The following SLC7A3 variants were observed in gnomAD, a reference collection of about 807,000 sequenced individuals.
SLC7A3 encodes solute carrier family 7 member 3, also known as cationic amino acid transporter 3.
A neutral mutation model predicts 33.2 loss-of-function variants in SLC7A3; 3 were observed. That is an observed-to-expected ratio of 0.09 (90% CI 0.04 to 0.23). The LOEUF (loss-of-function observed/expected upper bound fraction) is 0.23, where lower values mean the gene tolerates loss of function less well. SLC7A3 is among the 10% of genes least tolerant of loss of function. SLC7A3 has a pLI of 1.00. For synonymous variants in SLC7A3, 193 were observed against 195.1 expected, an observed-to-expected ratio of 0.99 and a Z score of 0.09; for missense variants, 360 against 488.8, an observed-to-expected ratio of 0.74 and a Z score of 2.48.
At chrX:70,926,801 A>G (rs2091897949) in intron 9 of SLC7A3, 74 bp downstream of exon 9, 1 of 1,168,288 alleles carries the variant, frequency 8.6e-7, no homozygotes, top group Non-Finnish European at 1.1e-6. Context: ...GTTCTTCCTC[A>G]GCCACCAAAT....
intron 2 of SLC7A3, 47 bp downstream of exon 2, chrX:70,929,580 AC>A (rs1407213017): frequency 1.7e-6 from 2 of 1,153,639 alleles, no homozygotes; most frequent in Non-Finnish European, 2.3e-6. Flanking sequence ...CTGACCAAAA[AC>A]CCCTTTGCTG....
intron 5 of SLC7A3, 45 bp from the exon 6 acceptor site, chrX:70,928,065 TCCTCTACCA>T: frequency 1.7e-6 from 2 of 1,186,545 alleles, no homozygotes; most frequent in Non-Finnish European, 2.3e-6. Flanking sequence ...GCAGGCCCAC[TCCTCTACCA>T]CCCCCAGTCT....
chrX:70,930,620 G>A (rs1466065192), intron 1 of SLC7A3, among the ~76,000 whole-genome samples: 1 of 112,261 alleles, frequency 8.9e-6, no homozygotes, highest in African/African-American at 3.2e-5. Flanking sequence ...CCCAAGCCCT[G>A]CTAGGCTGAC....
Position 70,929,949 on chromosome X carries a change from G to T in SLC7A3, c.49C>A (p.Arg17Ser). The T allele has an allele frequency of 8.3e-7, 1 of 1,208,527 alleles. No homozygotes were observed. The highest frequency in any genetic ancestry group is 1.1e-6 in the Non-Finnish European group (1 of 893,049). The change falls in exon 2 of 12, where the codon CGT (arginine) becomes AGT (serine). Residue 17 changes from arginine (R) to serine (S), a missense_variant. Transcript: ENST00000374299. ...RRFGQKLVRR[R>S]TLESGMAETR... ...TCAGCCATGCCTGACTCCAGTGTAC[G>T]TCTGCGTACCAGCTTTTGACCAAAT...
At chrX:70,927,709 C>G (rs2091900148) in intron 6 of SLC7A3, 86 bp from the exon 7 acceptor site, 2 of 1,156,330 alleles carry the variant, frequency 1.7e-6, no homozygotes, top group African/African-American at 3.6e-5. Context: ...CCACTTTCCC[C>G]TCACAGCCCT....
In SLC7A3 at chrX:70,925,646, C is replaced by G. The variant is rs2091894768; in HGVS notation, c.*167G>C. On this transcript the variant is annotated 3_prime_UTR_variant, in exon 12 of 12. Transcript: ENST00000374299. The stretch of plus-strand genomic sequence containing the variant: ...TAAGCAGCTAGACATCATTTAGAAG[C>G]AGACGGGTTAAAATAGACAAGAAAT... The G allele has an allele frequency of 2.0e-6, 1 of 492,529 alleles. No homozygotes were observed. Among genetic ancestry groups the G allele is most frequent in the Non-Finnish European group, 3.2e-6 (1 of 310,043 alleles). The allele number at this position is 492,529 out of a possible 1,213,427, so 40.6% of individuals were successfully genotyped here.
At chrX:70,930,189 T>A (rs1170601164) in intron 1 of SLC7A3, among the ~76,000 whole-genome samples, 167 bp from the exon 2 acceptor site, 1 of 112,038 alleles carries the variant, frequency 8.9e-6, no homozygotes, top group African/African-American at 3.2e-5. Context: ...AGTTTCTTCA[T>A]AAACAAGTAG....
rs1441269056 is a variant in SLC7A3 at position 70,925,774 on chromosome X, A to G, written c.*39T>C. 1 of 1,207,939 alleles carries G rather than the reference A, an allele frequency of 8.3e-7. No individual in the cohort carries two copies. Among genetic ancestry groups the G allele is most frequent in the South Asian group, 1.8e-5 (1 of 56,668 alleles). The stretch of plus-strand genomic sequence containing the variant: ...ACTGGGGTCAGGAGTACTCTCCATT[A>G]TTGTGCAGGGGACCAGACAGCATTT... On this transcript the variant is annotated 3_prime_UTR_variant, in exon 12 of 12. Transcript: ENST00000374299.
chrX:70,925,978 A>G (rs769062447), intron 11 of SLC7A3, 35 bp from the exon 12 acceptor site: 17 of 1,210,619 alleles, frequency 1.4e-5, no homozygotes, highest in Non-Finnish European at 1.8e-5. Flanking sequence ...GTGGGGGTGT[A>G]AAGGCTTCAT....
intron 2 of SLC7A3, 117 bp downstream of exon 2, chrX:70,929,511 C>T: frequency 1.1e-6 from 1 of 903,534 alleles, no homozygotes; most frequent in Non-Finnish European, 1.5e-6. Context: ...AGCAAACCCG[C>T]ACATTTAGGG....
At chrX:70,928,769 C>T in intron 3 of SLC7A3, 75 bp downstream of exon 3, 1 of 1,169,451 alleles carries the variant, frequency 8.6e-7, no homozygotes, top group Non-Finnish European at 1.2e-6. Context: ...GCCCATCCCC[C>T]ATCCTTATCC....
rs1421952398 is a variant in SLC7A3, at chrX:70,929,012, CAG to C, written c.371-12_371-11del. The C allele has an allele frequency of 8.3e-7, 1 of 1,210,006 alleles. No individual in the cohort carries two copies. Among genetic ancestry groups the C allele is most frequent in the South Asian group, 1.8e-5 (1 of 56,814 alleles). ...GCCACACTGGCTGTACCTGGTGTAG[CAG>C]AGAGAGAAACATGTGGCCAAGTTCC... On this transcript the variant is annotated splice_polypyrimidine_tract_variant and intron_variant, in intron 2 of 11. Coordinates refer to ENST00000374299, the MANE Select transcript of SLC7A3 (RefSeq NM_032803.6).
At chrX:70,927,261 T>C in intron 8 of SLC7A3, 21 bp downstream of exon 8, 1 of 1,184,367 alleles carries the variant, frequency 8.4e-7, no homozygotes, top group Non-Finnish European at 1.1e-6. Flanking sequence ...CAAATCACAG[T>C]ATGCAGAGGA....
intron 1 of SLC7A3, among the ~76,000 whole-genome samples, chrX:70,930,515 G>A (rs1339138770): frequency 5.4e-5 from 6 of 111,724 alleles, no homozygotes; most frequent in Admixed American, 4.7e-4. Context: ...TTAAAAGTGA[G>A]CACCGACTCA....
At chrX:70,930,944 C>G (rs184686963) in intron 1 of SLC7A3, 33 bp downstream of exon 1, 1 of 111,353 alleles carries the variant, frequency 9.0e-6, no homozygotes, top group Non-Finnish European at 1.9e-5. Flanking sequence ...CGCCGTCCCC[C>G]CTCCGACACA....
intron 1 of SLC7A3, among the ~76,000 whole-genome samples, chrX:70,930,728 C>A (rs1325424881): frequency 8.9e-6 from 1 of 112,364 alleles, no homozygotes; most frequent in East Asian, 2.8e-4. Context: ...CTCGCACTCT[C>A]CTCTCAGCAG....
Position 70,927,475 on chromosome X carries a change from G to A in SLC7A3, c.1183+9C>T. 1 of 1,198,212 alleles carries A rather than the reference G, an allele frequency of 8.3e-7. No homozygotes were observed. Among genetic ancestry groups the A allele is most frequent in the Non-Finnish European group, 1.1e-6 (1 of 883,830 alleles). ...AACAACTAAGGGAAGGGGAAAGAGG[G>A]TCTGTTACCTGCAATAATGCCAGAG... On this transcript the variant is annotated intron_variant, in intron 7 of 11. Transcript: ENST00000374299.
rs781601746 is a variant in SLC7A3 at position 70,929,962 on chromosome X, C to A, written c.36G>T (p.Lys12Asn). ...PWQAFRRFGQ[K>N]LVRRRTLESG... ...ACTCCAGTGTACGTCTGCGTACCAG[C>A]TTTTGACCAAATCTGCGAAATGCTT... Residue 12 changes from lysine to asparagine, a missense_variant, in exon 2 of 12, where the codon AAG becomes AAT. Lys to Asn is a moderately conservative substitution (Grantham distance 94). Coordinates refer to ENST00000374299, the MANE Select transcript of SLC7A3 (RefSeq NM_032803.6). 8.3e-7 allele frequency: 1 copy of A among 1,203,245 alleles called. No homozygotes were observed. The highest frequency in any genetic ancestry group is 1.8e-5 in the South Asian group (1 of 56,315).
chrX:70,928,378 C>T (rs2091902119), intron 4 of SLC7A3, 78 bp downstream of exon 4: 2 of 1,114,571 alleles, frequency 1.8e-6, no homozygotes, highest in Non-Finnish European at 2.4e-6. Flanking sequence ...TTCCCATCCC[C>T]ATCCAGAATC....
Sources: gnomAD v4.1 joint callset for allele counts (sites outside exome capture counted in the v4.1 genomes callset) on GRCh38, gnomAD v4.1.1 for gene constraint, MANE v1.5 for transcripts, NCBI Gene and HGNC (gene_info 2026-07-23, HGNC 2026-07-21) for gene names.